The following AK5 variants were observed in gnomAD, a reference collection of about 807,000 sequenced individuals.
AK5 encodes adenylate kinase isoenzyme 5.
Under a neutral mutation model 69.5 loss-of-function variants are expected in AK5, and 27 were observed. The observed-to-expected ratio is 0.39, with a 90% CI of 0.29 to 0.54. AK5 has a LOEUF of 0.54. AK5 is among the 20% of genes least tolerant of loss of function. The pLI is 0.71. For synonymous variants in AK5, 260 were observed against 244.4 expected (o/e 1.06, Z -0.60); for missense variants, 531 against 700.4 (o/e 0.76, Z 2.73).
intron 6 of AK5, among the ~76,000 whole-genome samples, chr1:77,391,390 A>AAAAT (rs1553144047): frequency 7.1e-6 from 1 of 141,660 alleles, no homozygotes; most frequent in African/African-American, 2.7e-5. Context: ...CAAAAAAAAA[A>AAAAT]ATATATATAT....
chr1:77,431,016 A>G (rs1557588398), intron 8 of AK5, among the ~76,000 whole-genome samples: 1 of 152,212 alleles, frequency 6.6e-6, no homozygotes, highest in African/African-American at 2.4e-5. Context: ...AGAGACTGGC[A>G]TGAGACCAAA....
chr1:77,321,334 G>C (rs1039681827), intron 5 of AK5, among the ~76,000 whole-genome samples: 4 of 152,080 alleles, frequency 2.6e-5, no homozygotes, highest in African/African-American at 9.7e-5. Context: ...GCCAGGTGCG[G>C]TGGTGCCGCC....
At chr1:77,391,453 GTATATATATATACACATA>G (rs1557554096) in intron 6 of AK5, among the ~76,000 whole-genome samples, 5 of 122,768 alleles carry the variant, frequency 4.1e-5, no homozygotes, top group African/African-American at 1.3e-4. Context: ...ATATGTGTGT[GTATATATATATACACATA>G]TGTGTGTGTG....
chr1:77,417,056 C>A (rs867769679), intron 7 of AK5, among the ~76,000 whole-genome samples: 1 of 152,236 alleles, frequency 6.6e-6, no homozygotes, highest in Non-Finnish European at 1.5e-5. Flanking sequence ...TCTCTCTATT[C>A]ATACATTAAG....
chr1:77,461,818 G>A (rs1322756245), intron 8 of AK5, among the ~76,000 whole-genome samples: 12 of 151,448 alleles, frequency 7.9e-5, no homozygotes, highest in Admixed American at 7.9e-4. Context: ...AGTGACTATA[G>A]TTAGCAAAGA....
chr1:77,356,445 A>G (rs1313252960), intron 6 of AK5, among the ~76,000 whole-genome samples: 1 of 152,238 alleles, frequency 6.6e-6, no homozygotes, highest in African/African-American at 2.4e-5. Context: ...TCAAAGGACA[A>G]AAACAGGGCT....
chr1:77,299,046 C>T (rs1659188434), intron 5 of AK5, among the ~76,000 whole-genome samples: 1 of 152,124 alleles, frequency 6.6e-6, no homozygotes, highest in Non-Finnish European at 1.5e-5. Flanking sequence ...TGCACATGCT[C>T]ATATACAAAT....
intron 6 of AK5, among the ~76,000 whole-genome samples, chr1:77,379,875 A>G (rs1250236881): frequency 1.3e-5 from 2 of 152,194 alleles, no homozygotes; most frequent in East Asian, 3.8e-4. Flanking sequence ...TAACATATAC[A>G]TTTCGTAAAG....
intron 6 of AK5, among the ~76,000 whole-genome samples, chr1:77,378,807 C>T (rs1647418997): frequency 1.3e-5 from 2 of 152,304 alleles, no homozygotes; most frequent in Admixed American, 1.3e-4. Context: ...ATTAAAATGT[C>T]AGGAATGCTT....
intron 6 of AK5, among the ~76,000 whole-genome samples, chr1:77,367,576 T>TATATAA (rs1646982565): frequency 1.8e-4 from 2 of 11,254 alleles, no homozygotes; most frequent in African/African-American, 4.0e-4. Flanking sequence ...TATATATATA[T>TATATAA]ATAATATATA....
At chr1:77,303,065 G>A (rs185396281) in intron 5 of AK5, among the ~76,000 whole-genome samples, 6 of 152,234 alleles carry the variant, frequency 3.9e-5, no homozygotes, top group Admixed American at 1.3e-4. Flanking sequence ...TAAATCCCAG[G>A]TGCTATAATA....
chr1:77,408,993 T>C (rs1649850064), intron 6 of AK5, among the ~76,000 whole-genome samples: 1 of 152,218 alleles, frequency 6.6e-6, no homozygotes, highest in Non-Finnish European at 1.5e-5. Context: ...AGCTCCCACT[T>C]ACAAGTAAGG....
At chr1:77,384,037 T>C (rs568741955) in intron 6 of AK5, among the ~76,000 whole-genome samples, 53 of 152,262 alleles carry the variant, frequency 3.5e-4, no homozygotes, top group African/African-American at 1.2e-3. Context: ...AGTTTCTTCA[T>C]ATCTAAATTT....
At chr1:77,549,572 A>G (rs568200504) in intron 13 of AK5, among the ~76,000 whole-genome samples, 4 of 152,198 alleles carry the variant, frequency 2.6e-5, no homozygotes, top group African/African-American at 9.6e-5. Context: ...AAATTTTTGT[A>G]TCCATTAGCC....
chr1:77,428,156 A>G (rs1651341466), intron 8 of AK5, among the ~76,000 whole-genome samples: 1 of 152,236 alleles, frequency 6.6e-6, no homozygotes, highest in Admixed American at 6.5e-5. Flanking sequence ...AAAAGTGCAT[A>G]ATCTGGACTC....
At chr1:77,336,053 A>G (rs1437912069) in intron 5 of AK5, among the ~76,000 whole-genome samples, 5 of 149,304 alleles carry the variant, frequency 3.3e-5, no homozygotes, top group South Asian at 2.1e-4. Flanking sequence ...GTTTGAGGTT[A>G]CCATGAGGCT....
chr1:77,503,169 T>C (rs1012119277), intron 10 of AK5, among the ~76,000 whole-genome samples: 14 of 152,172 alleles, frequency 9.2e-5, no homozygotes, highest in Admixed American at 4.6e-4. Context: ...AGATAAAAAT[T>C]GCTGAGAGTT....
intron 3 of AK5, among the ~76,000 whole-genome samples, chr1:77,294,259 T>G (rs1051670674): frequency 6.6e-6 from 1 of 152,154 alleles, no homozygotes; most frequent in Admixed American, 6.5e-5. Flanking sequence ...GTGGTTTTAT[T>G]TATTTAATCT....
intron 6 of AK5, among the ~76,000 whole-genome samples, chr1:77,366,522 C>T (rs1330766098): frequency 6.6e-6 from 1 of 152,110 alleles, no homozygotes; most frequent in Non-Finnish European, 1.5e-5. Flanking sequence ...TCATCCCTGC[C>T]AAGATGCAAA....
Sources: gnomAD v4.1 joint callset for allele counts (sites outside exome capture counted in the v4.1 genomes callset) on GRCh38, gnomAD v4.1.1 for gene constraint, MANE v1.5 for transcripts, NCBI Gene and HGNC (gene_info 2026-07-23, HGNC 2026-07-21) for gene names.